Variants in L1CAM observed in about 807,000 individuals in gnomAD.
L1CAM encodes the protein neural cell adhesion molecule L1.
Under a neutral mutation model 93.0 loss-of-function variants are expected in L1CAM, and 8 were observed. The ratio of observed to expected loss-of-function variants is 0.09; its 90% CI spans 0.05 to 0.16. The LOEUF is 0.16. Among genes scored for constraint, L1CAM ranks in the 10% least tolerant of loss-of-function variants. L1CAM has a pLI of 1.00. For synonymous variants in L1CAM, 453 were observed against 453.0 expected (o/e 1.00, Z 0.00); for missense variants, 777 against 1,073.4 (o/e 0.72, Z 3.86).
chrX:153,881,473 G>T (rs782069653), intron 1 of L1CAM, among the ~76,000 whole-genome samples: 1 of 111,682 alleles, frequency 9.0e-6, no homozygotes, highest in East Asian at 2.8e-4. Flanking sequence ...GCAGGCAAAT[G>T]TCGGGGGCAG....
At chrX:153,867,751 A>G (rs1557091472) in intron 16 of L1CAM, 49 bp downstream of exon 16, 1 of 1,118,649 alleles carries the variant, frequency 8.9e-7, no homozygotes, top group East Asian at 3.0e-5. Flanking sequence ...AGGAGGGGCC[A>G]GGGCTGGCAG....
chrX:153,864,992 C>T lies in L1CAM; in HGVS notation c.2875G>A (p.Asp959Asn). The change falls in exon 23 of 29, where the codon GAT becomes AAT. Residue 959 changes from aspartate (D) to asparagine (N), a missense_variant and splice_region_variant. Physicochemically the swap from Asp to Asn is conservative, Grantham distance 23 (BLOSUM62 1). Coordinates refer to ENST00000370060, the MANE Select transcript of L1CAM (RefSeq NM_001278116.2). ...TGYVLSYHPL[D>N]EGGKGQLSFN... is the part of the protein sequence containing the mutation. The stretch of plus-strand genomic sequence containing the variant: ...GACAGTTGCCCCTTGCCCCCCTCAT[C>T]CACTGTGGGGACAGACAGGGGTTGG... 8.2e-7 allele frequency: 1 copy of T among 1,212,251 alleles called. No individual in the cohort carries two copies.
At chrX:153,871,895 CA>C (rs2064773865) in intron 5 of L1CAM, among the ~76,000 whole-genome samples, 1 of 103,243 alleles carries the variant, frequency 9.7e-6, no homozygotes, top group Non-Finnish European at 2.0e-5. Context: ...CCTGCTCAGC[CA>C]TGAGGCAGGC....
Position 153,869,807 on chromosome X carries a change from C to T in L1CAM, c.1119G>A (p.Val373=). Residue 373 remains valine (V), a synonymous_variant, in exon 10 of 29, where the codon GTG becomes GTA. Transcript: ENST00000370060. The part of the protein sequence containing the change: ...EVTWRINGIP[V]EELAKDQKYR... ...CCTGCCTGAGGCCCTGCTCACCCTCCACAGGGATCCCGTTGATTCTCCAGG... is the reference window on the plus strand; with the variant it reads ...CCTGCCTGAGGCCCTGCTCACCCTCTACAGGGATCCCGTTGATTCTCCAGG... 1 of 1,211,175 alleles carries T rather than the reference C, an allele frequency of 8.3e-7. No individual in the cohort carries two copies.
At position 153,869,597 on chromosome X, in the gene L1CAM, C is replaced by T; in HGVS notation, c.1190G>A (p.Ser397Asn). 8.3e-7 allele frequency: 1 copy of T among 1,210,481 alleles called. No homozygotes were observed. Among genetic ancestry groups the T allele is most frequent in the Middle Eastern group, 2.3e-4 (1 of 4,346 alleles). The change falls in exon 11 of 29, where the codon AGT becomes AAT. Residue 397 changes from serine (S) to asparagine (N), a missense_variant. By Grantham distance (46) the Ser-to-Asn change is conservative. This residue lies in a region of L1CAM where 574 missense variants were observed against 781.0 expected (regional missense o/e 0.73). Transcript: ENST00000370060. Reference protein sequence around the residue: ...GALILSNVQPSDTMVTQCEAR... With the variant: ...GALILSNVQPNDTMVTQCEAR... ...CTCACATTGGGTCACCATTGTGTCA[C>T]TGGGCTGCACGTTGCTCAGGATCAG...
rs1557093592 is a variant in L1CAM at position 153,872,663 on chromosome X, T to C, written c.126A>G (p.Pro42=). The C allele has an allele frequency of 8.3e-7, 1 of 1,210,065 alleles. No homozygotes were observed. Among genetic ancestry groups the C allele is most frequent in the East Asian group, 3.0e-5 (1 of 33,766 alleles). Reference sequence around the variant, plus strand: ...CTGTGGGGAAGACAACCAGGCGCCGTGGAGACTGTTCCGTGATGACAGGTG... The same window carrying C: ...CTGTGGGGAAGACAACCAGGCGCCGCGGAGACTGTTCCGTGATGACAGGTG... ...MEPPVITEQS[P]RRLVVFPTDD... The change falls in exon 4 of 29, where the codon CCA becomes CCG. Residue 42 remains proline, a synonymous_variant. Coordinates refer to ENST00000370060, the MANE Select transcript of L1CAM (RefSeq NM_001278116.2).
At chrX:153,864,538 C>T (rs782316339) in intron 24 of L1CAM, 47 bp downstream of exon 24, 1 of 1,206,903 alleles carries the variant, frequency 8.3e-7, no homozygotes, top group South Asian at 1.8e-5. Flanking sequence ...CCCTCTGGCC[C>T]AGAGCCCCCT....
intron 1 of L1CAM, among the ~76,000 whole-genome samples, chrX:153,882,180 G>A (rs1232359328): frequency 1.8e-5 from 2 of 112,197 alleles, no homozygotes; most frequent in African/African-American, 6.5e-5. Flanking sequence ...AAAGGGCAGA[G>A]GGGGACACAG....
Position 153,875,958 on chromosome X carries a change from G to A in L1CAM, c.-108-14C>T. On this transcript the variant is annotated splice_polypyrimidine_tract_variant and intron_variant, in intron 1 of 28. Coordinates refer to ENST00000370060, the MANE Select transcript of L1CAM (RefSeq NM_001278116.2). Reference sequence around the variant, plus strand: ...GGAGTGGGGGCACTGGGAGAGGGGAGAAGGGAAGGGAAGGGTGGGGGAAGA... The same window carrying A: ...GGAGTGGGGGCACTGGGAGAGGGGAAAAGGGAAGGGAAGGGTGGGGGAAGA... The A allele has an allele frequency of 1.9e-6, 1 of 530,568 alleles. No homozygotes were observed. The highest frequency in any genetic ancestry group is 3.3e-6 in the Non-Finnish European group (1 of 305,886). The allele number at this position is 530,568 out of a possible 1,213,427, so 43.7% of individuals were successfully genotyped here. A position where few individuals can be genotyped will look rare whatever the true frequency, so the allele number is the denominator to read the frequency against.
chrX:153,886,106 C>T lies in L1CAM; in HGVS notation c.-150G>A, dbSNP rs1557096968. 3 of 161,763 alleles carry T rather than the reference C, an allele frequency of 1.9e-5. No homozygotes were observed. Among genetic ancestry groups the T allele is most frequent in the African/African-American group, 3.1e-5 (1 of 31,759 alleles). 13.3% of individuals were successfully genotyped at this position (161,763 alleles called of 1,213,427 possible). A position where few individuals can be genotyped will look rare whatever the true frequency, so the allele number is the denominator to read the frequency against. On this transcript the variant is annotated 5_prime_UTR_variant, in exon 1 of 29. Transcript: ENST00000370060. ...GCTCGGGCTGCCCGCCCAGCCTCCG[C>T]GCACGCCGGCCTCGGACCCGCCGCC...
Position 153,864,956 on chromosome X carries a change from G to A in L1CAM, c.2911C>T (p.Arg971Trp), listed in dbSNP as rs1057518490. 5 of 1,211,078 alleles carry A rather than the reference G, an allele frequency of 4.1e-6. No individual in the cohort carries two copies. Among genetic ancestry groups the A allele is most frequent in the Non-Finnish European group, 4.5e-6 (4 of 895,383 alleles). The change falls in exon 23 of 29, where the codon CGG becomes TGG. Residue 971 changes from arginine to tryptophan, a missense_variant. By Grantham distance (101) the Arg-to-Trp change is moderately radical. Transcript: ENST00000370060. ...GGKGQLSFNL[R>W]DPELRTHNLT... ...TTGTGTGTCCGAAGTTCGGGGTCCC[G>A]AAGGTTGAAGGACAGTTGCCCCTTG...
At chrX:153,865,569 A>C in intron 20 of L1CAM, 69 bp from the exon 21 acceptor site, 2 of 1,081,166 alleles carry the variant, frequency 1.8e-6, no homozygotes, top group Non-Finnish European at 2.6e-6. Context: ...GCACACCCCC[A>C]CCACCCTTAA....
chrX:153,865,091 G>C lies in L1CAM; in HGVS notation c.2869C>G (p.Pro957Ala). The change falls in exon 22 of 29, where the codon CCC becomes GCC. Residue 957 changes from proline to alanine, a missense_variant. This residue lies in a region of L1CAM where 71 missense variants were observed against 77.4 expected (regional missense o/e 0.92). Transcript: ENST00000370060. ...CCTGCTGGGGCGGCGCACGCACGGG[G>C]GTGGTAGGAGAGCACGTAGCCGGTG... is the stretch of plus-strand genomic sequence containing the variant. ...VLTGYVLSYH[P>A]LDEGGKGQLS... 8.3e-7 allele frequency: 1 copy of C among 1,211,233 alleles called. No homozygotes were observed. The highest frequency in any genetic ancestry group is 1.8e-5 in the South Asian group (1 of 57,018).
Position 153,864,021 on chromosome X carries a change from A to G in L1CAM, c.3323-4T>C. ...GCAGGAGGGAGCCTCACGCGGCCTGAGGGTGAGACACCAGCCCCCCGTGCT... is the reference window on the plus strand; with the variant it reads ...GCAGGAGGGAGCCTCACGCGGCCTGGGGGTGAGACACCAGCCCCCCGTGCT... On this transcript the variant is annotated splice_region_variant and splice_polypyrimidine_tract_variant and intron_variant, in intron 25 of 28. Coordinates refer to ENST00000370060, the MANE Select transcript of L1CAM (RefSeq NM_001278116.2). The G allele has an allele frequency of 1.7e-6, 2 of 1,211,833 alleles. No homozygotes were observed. The highest frequency in any genetic ancestry group is 2.2e-6 in the Non-Finnish European group (2 of 895,353).
At chrX:153,876,181 A>G (rs905735271) in intron 1 of L1CAM, 15 of 418,368 alleles carry the variant, frequency 3.6e-5, no homozygotes, top group African/African-American at 2.6e-4. Flanking sequence ...TTCCCTCTCT[A>G]CTCTCTGTCT....
intron 1 of L1CAM, chrX:153,885,405 G>T: frequency 1.0e-6 from 1 of 982,770 alleles, no homozygotes; most frequent in Non-Finnish European, 1.3e-6. Context: ...CGCCTCCGGG[G>T]AGGAGCCCCT....
At chrX:153,869,744 C>T in intron 10 of L1CAM, 59 bp downstream of exon 10, 1 of 1,205,584 alleles carries the variant, frequency 8.3e-7, no homozygotes, top group Admixed American at 2.2e-5. Flanking sequence ...TCCTCTTCCT[C>T]TCCCCCACAG....
intron 19 of L1CAM, 69 bp downstream of exon 19, chrX:153,866,580 G>A: frequency 1.3e-6 from 1 of 770,262 alleles, no homozygotes; most frequent in South Asian, 2.2e-5. Flanking sequence ...ATGCTGAGAG[G>A]TGTGGACATG....
chrX:153,870,360 C>G lies in L1CAM; in HGVS notation c.806+28G>C. On this transcript the variant is annotated intron_variant, in intron 8 of 28. Coordinates refer to ENST00000370060, the MANE Select transcript of L1CAM (RefSeq NM_001278116.2). Reference sequence around the variant, plus strand: ...TAGGGCTCCGCCACCCTGCCCTGCCCTGCCCTGCCCTGGGTTCCCAGACTC... The same window carrying G: ...TAGGGCTCCGCCACCCTGCCCTGCCGTGCCCTGCCCTGGGTTCCCAGACTC... The G allele has an allele frequency of 3.3e-6, 4 of 1,195,375 alleles. No individual in the cohort carries two copies. In the Middle Eastern group the frequency reaches 9.6e-4, roughly 286 times the overall value.
Sources: allele counts gnomAD v4.1 joint callset (sites outside exome capture counted in the v4.1 genomes callset), GRCh38; gene constraint gnomAD v4.1.1; regional missense constraint gnomAD v4.1.1; transcripts MANE v1.5; gene names NCBI Gene and HGNC (gene_info 2026-07-23, HGNC 2026-07-21).